Variants in SORL1 observed in about 807,000 individuals in gnomAD.
SORL1 encodes sortilin-related receptor.
A neutral mutation model predicts 273.7 loss-of-function variants in SORL1; 127 were observed. The observed-to-expected ratio is 0.46, with a 90% CI of 0.40 to 0.54. The LOEUF (loss-of-function observed/expected upper bound fraction) is 0.54, where lower values mean the gene tolerates loss of function less well. Ranked by LOEUF, SORL1 falls within the 20% of genes least tolerant of loss-of-function variation. The probability of loss-of-function intolerance (pLI) is 0.00; values close to 1 mark genes in which losing one functional copy is unlikely to be tolerated. For synonymous variants in SORL1, 1,031 were observed against 1,067.4 expected, an observed-to-expected ratio of 0.97 and a Z score of 0.66; for missense variants, 2,494 against 2,846.1, an observed-to-expected ratio of 0.88 and a Z score of 2.81.
chr11:121,513,084 G>T lies in SORL1; in HGVS notation c.1021G>T (p.Val341Phe). Residue 341 changes from valine to phenylalanine, a missense_variant, in exon 7 of 48, where the codon GTC becomes TTC. This residue lies in a region of SORL1 where 710 missense variants were observed against 882.5 expected (regional missense o/e 0.80). Transcript: ENST00000260197. ...GAAGCCCATGAGAGCAGCCCAGTTT[G>T]TCACAAGACATCCTATTAATGTGAG... ...GRKPMRAAQF[V>F]TRHPINEYYI... The T allele has an allele frequency of 6.2e-7, 1 of 1,613,344 alleles. No homozygotes were observed. The highest frequency in any genetic ancestry group is 8.5e-7 in the Non-Finnish European group (1 of 1,179,220).
intron 14 of SORL1, among the ~76,000 whole-genome samples, chr11:121,547,332 G>T (rs1303295080): frequency 8.1e-4 from 99 of 121,958 alleles, no homozygotes; most frequent in East Asian, 3.6e-3. Context: ...AATCTTTGGG[G>T]TTTTTTTTTT....
At chr11:121,481,727 C>T (rs918946106) in intron 3 of SORL1, among the ~76,000 whole-genome samples, 1 of 135,740 alleles carries the variant, frequency 7.4e-6, no homozygotes, top group African/African-American at 2.9e-5. Flanking sequence ...GCTTCATCTC[C>T]TCCTCCCCAG....
intron 9 of SORL1, 82 bp from the exon 10 acceptor site, chr11:121,522,504 C>T (rs1318007550): frequency 1.9e-6 from 2 of 1,058,290 alleles, no homozygotes; most frequent in African/African-American, 3.1e-5. Flanking sequence ...AGCTGCACTC[C>T]CCTCACACAG....
intron 6 of SORL1, among the ~76,000 whole-genome samples, chr11:121,509,416 ACAATCT>A (rs1357875817): frequency 1.3e-5 from 2 of 152,134 alleles, no homozygotes; most frequent in African/African-American, 4.8e-5. Context: ...TGCTCTTGAC[ACAATCT>A]CAAATATAAA....
chr11:121,586,708 G>A (rs1264739171), intron 27 of SORL1, among the ~76,000 whole-genome samples: 2 of 127,808 alleles, frequency 1.6e-5, no homozygotes, highest in South Asian at 3.1e-4. Context: ...GGGGGGGCGG[G>A]GGGGGGGCAT....
rs192475778 is a variant in SORL1, at chr11:121,595,518, T to C, written c.4370-105T>C. On this transcript the variant is annotated intron_variant, in intron 31 of 47. Transcript: ENST00000260197. This position sits in a 1 kb window ranked among gnomAD's most constrained non-coding sequence, Gnocchi z 5.1. ...ACTCGCATTTGTCTTCAGGTTCCCATTGTAATTTCTAAAGCACCGTAATCT... is the reference window on the plus strand; with the variant it reads ...ACTCGCATTTGTCTTCAGGTTCCCACTGTAATTTCTAAAGCACCGTAATCT... The C allele has an allele frequency of 2.6e-5, 27 of 1,031,950 alleles. No homozygotes were observed. The highest frequency in any genetic ancestry group is 3.3e-5 in the Non-Finnish European group (23 of 697,926). 63.9% of individuals were successfully genotyped at this position (1,031,950 alleles called of 1,614,324 possible). A position where few individuals can be genotyped will look rare whatever the true frequency, so the allele number is the denominator to read the frequency against.
At chr11:121,453,466 G>T (rs1241605485) in intron 1 of SORL1, among the ~76,000 whole-genome samples, 1 of 152,126 alleles carries the variant, frequency 6.6e-6, no homozygotes, top group African/African-American at 2.4e-5. Flanking sequence ...CCGTGTTATT[G>T]CCTCATGAGA....
At chr11:121,547,912 T>C (rs1301258479) in intron 14 of SORL1, among the ~76,000 whole-genome samples, 2 of 152,208 alleles carry the variant, frequency 1.3e-5, no homozygotes, top group Non-Finnish European at 2.9e-5. Context: ...GACAACTGTG[T>C]TTGAACACCA....
intron 8 of SORL1, among the ~76,000 whole-genome samples, chr11:121,516,787 C>T (rs1861960519): frequency 1.3e-5 from 2 of 152,112 alleles, no homozygotes; most frequent in Admixed American, 6.5e-5. Flanking sequence ...GGCATGGTGG[C>T]TCACGCCTGT....
chr11:121,513,535 A>C (rs2134845269), intron 7 of SORL1, among the ~76,000 whole-genome samples: 1 of 152,358 alleles, frequency 6.6e-6, no homozygotes, highest in Non-Finnish European at 1.5e-5. Flanking sequence ...TAGCAGAAGA[A>C]ACCAGACATA....
intron 6 of SORL1, among the ~76,000 whole-genome samples, chr11:121,506,805 G>T (rs1861793614): frequency 6.6e-6 from 1 of 152,086 alleles, no homozygotes; most frequent in African/African-American, 2.4e-5. Context: ...TGTAATTACT[G>T]AAAGGTAGAC....
Position 121,596,433 on chromosome 11 carries a change from A to G in SORL1, c.4519+661A>G, listed in dbSNP as rs1863295781. Among the ~76,000 whole-genome samples the G allele has an allele frequency of 6.6e-6, 1 of 152,228 alleles. No homozygotes were observed. Among genetic ancestry groups the G allele is most frequent in the African/African-American group, 2.4e-5 (1 of 41,462 alleles). On this transcript the variant is annotated intron_variant, in intron 32 of 47. Transcript: ENST00000260197. The surrounding 1 kb of genome is among the most constrained non-coding windows in gnomAD (Gnocchi z 4.3). The stretch of plus-strand genomic sequence containing the variant: ...TGCAAGCGTTTATCCTCATGTGACC[A>G]GTCAGCGCTTTTCAGTCCCTGGCTG...
At chr11:121,583,662 G>C (rs1863048513) in intron 26 of SORL1, 79 bp downstream of exon 26, 1 of 1,470,262 alleles carries the variant, frequency 6.8e-7, no homozygotes. Context: ...AGAGAGCCAG[G>C]GGATGAAATG....
intron 32 of SORL1, among the ~76,000 whole-genome samples, chr11:121,602,312 A>G (rs1275658944): frequency 1.3e-5 from 2 of 152,178 alleles, no homozygotes; most frequent in Non-Finnish European, 2.9e-5. Flanking sequence ...TTCTATTGAC[A>G]ATTTTTTATC....
At chr11:121,543,843 T>C (rs1862383996) in intron 13 of SORL1, 117 bp downstream of exon 13, 1 of 914,374 alleles carries the variant, frequency 1.1e-6, no homozygotes, top group South Asian at 1.8e-5. Context: ...TTGGGGGAGA[T>C]GGGCCCATAA....
chr11:121,589,174 T>TC, intron 28 of SORL1, 85 bp from the exon 29 acceptor site: 1 of 1,489,166 alleles, frequency 6.7e-7, no homozygotes, highest in South Asian at 1.1e-5. Context: ...TCACTGCTGT[T>TC]CCCCCTTGCT....
At position 121,627,639 on chromosome 11, in the gene SORL1, G is replaced by C; in HGVS notation, c.6449G>C (p.Ser2150Thr). 6.2e-7 allele frequency: 1 copy of C among 1,614,180 alleles called. No individual in the cohort carries two copies. Among genetic ancestry groups the C allele is most frequent in the South Asian group, 1.1e-5 (1 of 91,086 alleles). ...CCCATCTTATTCCTGATACTGCTGA[G>C]CCTGGGGGTGGGGTTTGCCATCCTG... ...VVPILFLILLSLGVGFAILYT... is the reference protein window; with the variant it reads ...VVPILFLILLTLGVGFAILYT... The change falls in exon 47 of 48, where the codon AGC becomes ACC. Residue 2150 changes from serine (S) to threonine (T), a missense_variant. Coordinates refer to ENST00000260197, the MANE Select transcript of SORL1 (RefSeq NM_003105.6). This position sits in a 1 kb window ranked among gnomAD's most constrained non-coding sequence, Gnocchi z 4.9.
In SORL1 at chr11:121,595,803, GGCACGTTTCTGCAGAGA is replaced by G. The variant is rs1565348866; in HGVS notation, c.4519+36_4519+52del. 5.6e-6 allele frequency: 9 copies of G among 1,605,240 alleles called. No individual in the cohort carries two copies. Among genetic ancestry groups the G allele is most frequent in the African/African-American group, 1.3e-5 (1 of 74,940 alleles). On this transcript the variant is annotated intron_variant, in intron 32 of 47. Coordinates refer to ENST00000260197, the MANE Select transcript of SORL1 (RefSeq NM_003105.6). The surrounding 1 kb of genome is among the most constrained non-coding windows in gnomAD (Gnocchi z 5.1). Reference sequence around the variant, plus strand: ...TAGTCAGAGAGCCCTTCACCCCCTGGGCACGTTTCTGCAGAGAGCACAGTTCTGGTGCTTCTGCTTCA... The same window carrying G: ...TAGTCAGAGAGCCCTTCACCCCCTGGGCACAGTTCTGGTGCTTCTGCTTCA...
chr11:121,484,673 G>A (rs1861445823), intron 3 of SORL1, among the ~76,000 whole-genome samples: 1 of 152,174 alleles, frequency 6.6e-6, no homozygotes, highest in South Asian at 2.1e-4. Flanking sequence ...CCCATCAAAA[G>A]TGGAGATGGT....
Sources: allele counts gnomAD v4.1 joint callset (sites outside exome capture counted in the v4.1 genomes callset), GRCh38; gene constraint gnomAD v4.1.1; regional missense constraint gnomAD v4.1.1; non-coding constraint Gnocchi (gnomAD v3.1); transcripts MANE v1.5; gene names NCBI Gene and HGNC (gene_info 2026-07-23, HGNC 2026-07-21).